Variants in ALKBH5 observed in about 807,000 individuals in gnomAD.
ALKBH5 encodes the protein RNA demethylase ALKBH5.
ALKBH5 carries 2 observed loss-of-function variants against 32.1 expected under a neutral mutation model. That is an observed-to-expected ratio of 0.06 (90% confidence interval 0.03 to 0.20). The LOEUF (loss-of-function observed/expected upper bound fraction) is 0.20. ALKBH5 is among the 10% of genes least tolerant of loss of function. The probability of loss-of-function intolerance (pLI) is 1.00; values close to 1 mark genes in which losing one functional copy is unlikely to be tolerated. For synonymous variants in ALKBH5, 300 were observed against 231.7 expected, an observed-to-expected ratio of 1.29 and a Z score of -2.68; for missense variants, 352 against 559.5, an observed-to-expected ratio of 0.63 and a Z score of 3.74.
At chr17:18,185,417 C>G (rs191580734) in intron 1 of ALKBH5, among the ~76,000 whole-genome samples, 1 of 145,480 alleles carries the variant, frequency 6.9e-6, no homozygotes, top group African/African-American at 2.6e-5. Context: ...TTTAATTTAT[C>G]TAAAAGTCTT....
In ALKBH5 at chr17:18,184,326, G is replaced by A. The variant is rs1426486555; in HGVS notation, c.83G>A (p.Arg28Gln). ...TSRDNYKAGS[R>Q]EAAAAAAAAV... is the part of the protein sequence containing the mutation. ...CGGGACAACTATAAGGCGGGCAGCC[G>A]GGAGGCCGCCGCCGCTGCCGCAGCC... is the stretch of plus-strand genomic sequence containing the variant. The change falls in exon 1 of 4, where the codon CGG becomes CAG. Residue 28 changes from arginine (R) to glutamine (Q), a missense_variant. Physicochemically the swap from Arg to Gln is conservative, Grantham distance 43 (BLOSUM62 1). Transcript: ENST00000399138. The A allele has an allele frequency of 1.3e-6, 2 of 1,513,886 alleles. No homozygotes were observed. The highest frequency in any genetic ancestry group is 2.6e-5 in the East Asian group (1 of 38,726). The allele number at this position is 1,513,886 out of a possible 1,614,324, so 93.8% of individuals were successfully genotyped here. A position where few individuals can be genotyped will look rare whatever the true frequency, so the allele number is the denominator to read the frequency against.
intron 1 of ALKBH5, among the ~76,000 whole-genome samples, chr17:18,186,984 G>A (rs1319944121): frequency 1.3e-5 from 2 of 152,098 alleles, no homozygotes; most frequent in Admixed American, 6.6e-5. Flanking sequence ...GTACTTAAAT[G>A]GGTGCTTGCT....
intron 1 of ALKBH5, among the ~76,000 whole-genome samples, chr17:18,189,504 G>A (rs1294345440): frequency 6.6e-6 from 1 of 152,226 alleles, no homozygotes; most frequent in Non-Finnish European, 1.5e-5. Context: ...TCTTTCATGG[G>A]GCTAGTGGGT....
chr17:18,208,347 C>G lies in ALKBH5; in HGVS notation c.1136C>G (p.Ser379Cys), dbSNP rs1490657892. 2 of 1,613,966 alleles carry G rather than the reference C, an allele frequency of 1.2e-6. No homozygotes were observed. The highest frequency in any genetic ancestry group is 1.7e-6 in the Non-Finnish European group (2 of 1,179,934). Residue 379 changes from serine (S) to cysteine (C), a missense_variant, in exon 4 of 4, where the codon TCT (serine) becomes TGT (cysteine). Transcript: ENST00000399138. ...TCATACGAGTCCTCAGAGGACTGCTCTGAGGCAGCAGGCAGCCCTGCCCGA... is the reference window on the plus strand; with the variant it reads ...TCATACGAGTCCTCAGAGGACTGCTGTGAGGCAGCAGGCAGCCCTGCCCGA... ...RKSYESSEDC[S>C]EAAGSPARKV...
rs146368356 is a variant in ALKBH5, at chr17:18,187,157, C to T, written c.770+2144C>T. On this transcript the variant is annotated intron_variant, in intron 1 of 3. Coordinates refer to ENST00000399138, the MANE Select transcript of ALKBH5 (RefSeq NM_017758.4). ...GCCCAGGAAGGTAACTGCAGAAGCA[C>T]ACTGAAGGGGGACATCTTTTCCACT... Among the ~76,000 whole-genome samples the T allele has an allele frequency of 2.4e-4, 36 of 152,134 alleles. No individual in the cohort carries two copies. In the East Asian group the frequency reaches 6.6e-3, roughly 28 times the overall value.
chr17:18,207,675 AAT>A (rs1416841587), intron 3 of ALKBH5, among the ~76,000 whole-genome samples: 2 of 151,758 alleles, frequency 1.3e-5, no homozygotes, highest in Admixed American at 6.6e-5. Flanking sequence ...AAAAAAAAAA[AAT>A]ATTTTTTAAG....
At chr17:18,196,589 A>G (rs1359466619) in intron 2 of ALKBH5, among the ~76,000 whole-genome samples, 2 of 152,226 alleles carry the variant, frequency 1.3e-5, no homozygotes, top group East Asian at 3.8e-4. Context: ...AATTTGTCTG[A>G]TGTTTTTATG....
chr17:18,206,580 GT>G (rs2047270040), intron 2 of ALKBH5: 1 of 466,014 alleles, frequency 2.1e-6, no homozygotes. Context: ...GTCATTGGGA[GT>G]TTCCAGACAG....
At chr17:18,185,228 G>A (rs1350644109) in intron 1 of ALKBH5, among the ~76,000 whole-genome samples, 1 of 152,164 alleles carries the variant, frequency 6.6e-6, no homozygotes, top group East Asian at 1.9e-4. Context: ...CCCGAAGGCA[G>A]GTTTGACGGG....
At chr17:18,203,071 TAAAAA>T (rs771396075) in intron 2 of ALKBH5, among the ~76,000 whole-genome samples, 29 of 133,522 alleles carry the variant, frequency 2.2e-4, no homozygotes, top group South Asian at 7.3e-4. Flanking sequence ...GATTGTCTTT[TAAAAA>T]AAAAAAAAAA....
chr17:18,197,128 G>A (rs562462416), intron 2 of ALKBH5, among the ~76,000 whole-genome samples: 1 of 152,324 alleles, frequency 6.6e-6, no homozygotes, highest in South Asian at 2.1e-4. Context: ...AACTATAGTA[G>A]ATGGGTATGA....
intron 1 of ALKBH5, 53 bp from the exon 2 acceptor site, chr17:18,194,902 A>G (rs1030330749): frequency 1.3e-6 from 2 of 1,543,562 alleles, no homozygotes; most frequent in Non-Finnish European, 1.8e-6. Flanking sequence ...TCCCCCAGGA[A>G]CTTTGGTTGT....
intron 2 of ALKBH5, 176 bp from the exon 3 acceptor site, chr17:18,206,639 T>C: frequency 1.5e-6 from 1 of 680,666 alleles, no homozygotes; most frequent in South Asian, 1.9e-5. Context: ...GGAGGGTCTT[T>C]GAAAGTCAGC....
intron 2 of ALKBH5, among the ~76,000 whole-genome samples, chr17:18,202,662 A>G (rs905714843): frequency 6.6e-6 from 1 of 152,132 alleles, no homozygotes; most frequent in African/African-American, 2.4e-5. Flanking sequence ...CTCCAGAGTC[A>G]TCGTGGCCTG....
intron 2 of ALKBH5, among the ~76,000 whole-genome samples, chr17:18,201,846 AGATTGATTGATT>A (rs879896001): frequency 6.5e-4 from 55 of 84,224 alleles, no homozygotes; most frequent in Non-Finnish European, 1.0e-3. Flanking sequence ...GATGATAGAT[AGATTGATTGATT>A]GATTTAAAAA....
At chr17:18,188,719 G>C (rs1407390393) in intron 1 of ALKBH5, among the ~76,000 whole-genome samples, 1 of 152,178 alleles carries the variant, frequency 6.6e-6, no homozygotes. Context: ...AGCTAACAGT[G>C]AACCATGGTG....
chr17:18,198,982 G>A (rs1270751288), intron 2 of ALKBH5, among the ~76,000 whole-genome samples: 1 of 152,222 alleles, frequency 6.6e-6, no homozygotes, highest in Non-Finnish European at 1.5e-5. Context: ...GGTTTGCACA[G>A]TGGAGTACCC....
chr17:18,185,065 C>T, intron 1 of ALKBH5, 52 bp downstream of exon 1: 1 of 1,566,684 alleles, frequency 6.4e-7, no homozygotes, highest in Admixed American at 1.7e-5. Flanking sequence ...CTTAGCTACC[C>T]ACCCTGGCCC....
chr17:18,184,486 G>A lies in ALKBH5; in HGVS notation c.243G>A (p.Glu81=). ...AGCAGCAGCTGCAGAAGGAGGAGGA[G>A]GCGCGCAAGGTGAAGAGCGGCATCC... ...YEEQQLQKEE[E]ARKVKSGIRQ... is the part of the protein sequence containing the mutation. The change falls in exon 1 of 4, where the codon GAG becomes GAA. Residue 81 remains glutamate (E), a synonymous_variant. Coordinates refer to ENST00000399138, the MANE Select transcript of ALKBH5 (RefSeq NM_017758.4). 1.9e-6 allele frequency: 3 copies of A among 1,612,948 alleles called. No homozygotes were observed. The highest frequency in any genetic ancestry group is 2.5e-6 in the Non-Finnish European group (3 of 1,179,818).
Sources: allele counts gnomAD v4.1 joint callset (sites outside exome capture counted in the v4.1 genomes callset), GRCh38; gene constraint gnomAD v4.1.1; transcripts MANE v1.5; gene names NCBI Gene and HGNC (gene_info 2026-07-23, HGNC 2026-07-21).